The following NR3C2 variants were observed in gnomAD, a reference collection of about 807,000 sequenced individuals.
NR3C2 encodes mineralocorticoid receptor.
A neutral mutation model predicts 86.4 loss-of-function variants in NR3C2; 15 were observed. The ratio of observed to expected loss-of-function variants is 0.17; its 90% CI spans 0.12 to 0.27. The LOEUF (loss-of-function observed/expected upper bound fraction) is 0.27. Among genes scored for constraint, NR3C2 ranks in the 10% least tolerant of loss-of-function variants. The probability of loss-of-function intolerance (pLI) is 1.00; values close to 1 mark genes in which losing one functional copy is unlikely to be tolerated. For synonymous variants in NR3C2, 458 were observed against 450.5 expected (o/e 1.02, Z -0.21); for missense variants, 960 against 1,195.6 (o/e 0.80, Z 2.91).
intron 3 of NR3C2, among the ~76,000 whole-genome samples, chr4:148,196,962 CTA>C (rs1339325457): frequency 2.0e-5 from 3 of 152,116 alleles, no homozygotes; most frequent in African/African-American, 7.2e-5. Flanking sequence ...CATTAGAGTT[CTA>C]TGTTAGTTAA....
chr4:148,378,466 G>C (rs1007670037), intron 2 of NR3C2, among the ~76,000 whole-genome samples: 1 of 152,118 alleles, frequency 6.6e-6, no homozygotes, highest in African/African-American at 2.4e-5. Context: ...GTAATCTCCA[G>C]TGTTGGAGGT....
At chr4:148,325,477 G>A (rs1454984043) in intron 2 of NR3C2, among the ~76,000 whole-genome samples, 1 of 150,446 alleles carries the variant, frequency 6.6e-6, no homozygotes, top group African/African-American at 2.5e-5. Flanking sequence ...AGGTCAGTGA[G>A]AAAGAAATGG....
intron 2 of NR3C2, among the ~76,000 whole-genome samples, chr4:148,411,428 T>C (rs747136874): frequency 2.4e-4 from 37 of 152,138 alleles, no homozygotes; most frequent in Non-Finnish European, 3.8e-4. Flanking sequence ...CAGACAAGGG[T>C]AATGTGTTTG....
chr4:148,102,872 G>GC (rs1731602892), intron 8 of NR3C2, among the ~76,000 whole-genome samples: 1 of 152,050 alleles, frequency 6.6e-6, no homozygotes, highest in Non-Finnish European at 1.5e-5. Context: ...AATGTAAAGA[G>GC]CCCCACACGA....
At chr4:148,437,321 G>A (rs928006017) in intron 1 of NR3C2, among the ~76,000 whole-genome samples, 3 of 152,130 alleles carry the variant, frequency 2.0e-5, no homozygotes, top group African/African-American at 7.2e-5. Context: ...GGAGTCTTTG[G>A]ATCATATAGA....
intron 2 of NR3C2, among the ~76,000 whole-genome samples, chr4:148,275,423 T>G (rs2149890112): frequency 6.6e-6 from 1 of 152,062 alleles, no homozygotes; most frequent in South Asian, 2.1e-4. Flanking sequence ...GATAAGCCAA[T>G]CTTATCTTAT....
chr4:148,157,841 GT>G (rs1734473641), intron 4 of NR3C2, among the ~76,000 whole-genome samples: 1 of 152,130 alleles, frequency 6.6e-6, no homozygotes, highest in Non-Finnish European at 1.5e-5. Context: ...AGTAATTTGT[GT>G]TTATAATTAT....
chr4:148,401,285 G>A (rs1285404388), intron 2 of NR3C2, among the ~76,000 whole-genome samples: 1 of 152,072 alleles, frequency 6.6e-6, no homozygotes, highest in African/African-American at 2.4e-5. Context: ...AGGCTGCTAG[G>A]AGAATATCCA....
intron 8 of NR3C2, among the ~76,000 whole-genome samples, chr4:148,098,532 G>A (rs576755673): frequency 1.1e-4 from 16 of 152,280 alleles, no homozygotes; most frequent in Admixed American, 2.0e-4. Flanking sequence ...CGGCATTAGA[G>A]CTGAAACAAG....
chr4:148,216,759 G>A (rs1168653996), intron 3 of NR3C2, among the ~76,000 whole-genome samples: 1 of 152,150 alleles, frequency 6.6e-6, no homozygotes, highest in Non-Finnish European at 1.5e-5. Flanking sequence ...TGTTGACTAA[G>A]TAGTATCAGA....
chr4:148,175,951 C>A (rs1270396808), intron 4 of NR3C2, among the ~76,000 whole-genome samples: 2 of 152,176 alleles, frequency 1.3e-5, no homozygotes, highest in South Asian at 2.1e-4. Context: ...TGCACTACAG[C>A]CTAAGCGACA....
intron 4 of NR3C2, among the ~76,000 whole-genome samples, chr4:148,186,988 G>GTGTATA (rs1735932758): frequency 7.3e-5 from 1 of 13,704 alleles, no homozygotes; most frequent in Non-Finnish European, 1.0e-4. Context: ...ACTGATGTGT[G>GTGTATA]TATGTATGTA....
At chr4:148,259,358 C>G (rs1739981917) in intron 3 of NR3C2, among the ~76,000 whole-genome samples, 1 of 152,144 alleles carries the variant, frequency 6.6e-6, no homozygotes, top group Non-Finnish European at 1.5e-5. Flanking sequence ...AAATTAAAGA[C>G]CATTTCTCCT....
At chr4:148,248,955 A>G (rs1426693631) in intron 3 of NR3C2, among the ~76,000 whole-genome samples, 4 of 152,312 alleles carry the variant, frequency 2.6e-5, no homozygotes, top group South Asian at 4.1e-4. Context: ...GGCAGGGCAG[A>G]TACTTTGAAG....
At chr4:148,290,691 C>T (rs1351209409) in intron 2 of NR3C2, among the ~76,000 whole-genome samples, 1 of 152,118 alleles carries the variant, frequency 6.6e-6, no homozygotes, top group African/African-American at 2.4e-5. Flanking sequence ...CCTTTGAATG[C>T]AAATAATTGC....
chr4:148,308,871 TAC>T (rs1019546199), intron 2 of NR3C2, among the ~76,000 whole-genome samples: 4 of 152,062 alleles, frequency 2.6e-5, no homozygotes, highest in African/African-American at 9.7e-5. Context: ...TGGTCCCAGC[TAC>T]TTGGGAGGCT....
At chr4:148,279,012 A>G (rs948471188) in intron 2 of NR3C2, among the ~76,000 whole-genome samples, 1 of 152,006 alleles carries the variant, frequency 6.6e-6, no homozygotes, top group African/African-American at 2.4e-5. Context: ...AAATGCAAAA[A>G]ATTAGCTGGG....
chr4:148,095,366 A>G (rs1731233081), intron 8 of NR3C2, among the ~76,000 whole-genome samples: 1 of 152,168 alleles, frequency 6.6e-6, no homozygotes, highest in South Asian at 2.1e-4. Flanking sequence ...TTACCAATTT[A>G]GCAGCATTTG....
chr4:148,292,708 A>C (rs2149910161), intron 2 of NR3C2, among the ~76,000 whole-genome samples: 1 of 152,256 alleles, frequency 6.6e-6, no homozygotes, highest in East Asian at 1.9e-4. Context: ...TCAGGTCTTT[A>C]AAAAAGTCAA....
Sources: gnomAD v4.1 joint callset for allele counts (sites outside exome capture counted in the v4.1 genomes callset) on GRCh38, gnomAD v4.1.1 for gene constraint, MANE v1.5 for transcripts, NCBI Gene and HGNC (gene_info 2026-07-23, HGNC 2026-07-21) for gene names.